Variants in OSBPL10 observed in about 807,000 individuals in gnomAD.
The protein encoded by OSBPL10 is oxysterol-binding protein-related protein 10.
Under a neutral mutation model 81.7 loss-of-function variants are expected in OSBPL10, and 49 were observed. That is an observed-to-expected ratio of 0.60 (90% CI 0.48 to 0.76). The LOEUF is 0.76. Among genes scored for constraint, OSBPL10 ranks in the 30% least tolerant of loss-of-function variants. The pLI is 0.00. For missense variants in OSBPL10, 923 were observed against 987.8 expected, an observed-to-expected ratio of 0.93 and a Z score of 0.88; for synonymous variants, 419 against 383.6, an observed-to-expected ratio of 1.09 and a Z score of -1.08.
At chr3:31,967,430 T>G (rs915356494) in intron 1 of OSBPL10, among the ~76,000 whole-genome samples, 1 of 151,880 alleles carries the variant, frequency 6.6e-6, no homozygotes, top group African/African-American at 2.4e-5. Context: ...CAATGAGCTG[T>G]GATTGCACCA....
At chr3:31,686,626 A>C (rs554413363) in intron 7 of OSBPL10, among the ~76,000 whole-genome samples, 38 of 152,322 alleles carry the variant, frequency 2.5e-4, no homozygotes, top group Admixed American at 7.2e-4. Context: ...AACATTATTT[A>C]AAAACACAAC....
At chr3:31,824,130 A>T (rs1700045601) in intron 4 of OSBPL10, among the ~76,000 whole-genome samples, 1 of 152,098 alleles carries the variant, frequency 6.6e-6, no homozygotes, top group Non-Finnish European at 1.5e-5. Context: ...AAAGTGATGG[A>T]ATTATAGGCA....
chr3:31,986,680 A>T (rs917598788), intron 2 of OSBPL10, among the ~76,000 whole-genome samples: 1 of 152,170 alleles, frequency 6.6e-6, no homozygotes, highest in African/African-American at 2.4e-5. Context: ...TATTAAATAG[A>T]TGCTCACTTT....
chr3:32,061,455 G>A (rs1320153065), intron 1 of OSBPL10, among the ~76,000 whole-genome samples: 1 of 93,206 alleles, frequency 1.1e-5, no homozygotes, highest in African/African-American at 2.8e-5. Context: ...TTAAGGTGAA[G>A]CCCTTGAGGA....
rs1386330855 is a variant in OSBPL10, at chr3:31,989,881, A to C, written n.298+56610T>G. ...ATGTGATGTATGTGGCAAGGTCTTT[A>C]ATCAGAAGCGATACCTTGCATGCCA... On this transcript the variant is annotated intron_variant and non_coding_transcript_variant, in intron 2 of 3. Coordinates refer to the OSBPL10 transcript ENST00000479173. 5 of 1,614,082 alleles carry C rather than the reference A, an allele frequency of 3.1e-6. No individual in the cohort carries two copies. The highest frequency in any genetic ancestry group is 1.3e-5 in the African/African-American group (1 of 74,930).
At chr3:32,045,982 CAACA>C (rs1180173868) in intron 2 of OSBPL10, 3 of 152,252 alleles carry the variant, frequency 2.0e-5, no homozygotes, top group Non-Finnish European at 4.4e-5. Context: ...AGTCAACAAA[CAACA>C]AACAAACACC....
At chr3:32,058,666 ATTG>A (rs148130633) in intron 1 of OSBPL10, among the ~76,000 whole-genome samples, 4 of 151,912 alleles carry the variant, frequency 2.6e-5, no homozygotes, top group Non-Finnish European at 5.9e-5. Context: ...ATGCTTATGA[ATTG>A]TTGTTGTTGT....
At chr3:31,664,310 C>G in intron 10 of OSBPL10, 78 bp from the exon 11 acceptor site, 1 of 1,514,992 alleles carries the variant, frequency 6.6e-7, no homozygotes, top group Non-Finnish European at 9.0e-7. Flanking sequence ...CAGGAGCAGC[C>G]AGAGCAGCGA....
intron 3 of OSBPL10, among the ~76,000 whole-genome samples, chr3:31,850,851 A>G (rs541591087): frequency 8.1e-4 from 124 of 152,356 alleles, no homozygotes; most frequent in Non-Finnish European, 1.5e-3. Flanking sequence ...AAACAAGTAC[A>G]AAAAAGAAGG....
intron 11 of OSBPL10, chr3:31,662,542 TCA>T: frequency 1.0e-6 from 1 of 986,112 alleles, no homozygotes; most frequent in Non-Finnish European, 1.2e-6. Flanking sequence ...CAGGCAGTAG[TCA>T]CAAACAAATC....
chr3:31,985,301 C>T (rs1559542801), upstream of OSBPL10, among the ~76,000 whole-genome samples: 1 of 152,134 alleles, frequency 6.6e-6, no homozygotes, highest in African/African-American at 2.4e-5. Context: ...AGGACCATTT[C>T]CTTAATTTAC....
intron 1 of OSBPL10, among the ~76,000 whole-genome samples, chr3:31,898,951 C>CT (rs201574850): frequency 0.1 from 9,004 of 87,204 alleles, 1,753 homozygotes; most frequent in Non-Finnish European, 0.15. Flanking sequence ...AACTTTAAAC[C>CT]TTTTTTTTTT....
chr3:31,955,430 C>T (rs1205049887), intron 1 of OSBPL10, among the ~76,000 whole-genome samples: 1 of 152,212 alleles, frequency 6.6e-6, no homozygotes, highest in Non-Finnish European at 1.5e-5. Flanking sequence ...AACACTGCTT[C>T]CCTCTTGCAA....
At chr3:31,736,347 G>T (rs560933948) in intron 5 of OSBPL10, among the ~76,000 whole-genome samples, 63 of 152,246 alleles carry the variant, frequency 4.1e-4, no homozygotes, top group African/African-American at 1.4e-3. Context: ...CCATATAGCA[G>T]CACTTCATGT....
chr3:31,812,180 T>C (rs1699698839), intron 4 of OSBPL10, among the ~76,000 whole-genome samples: 1 of 151,978 alleles, frequency 6.6e-6, no homozygotes. Context: ...TACAGGCGCC[T>C]GCCACCATGC....
intron 4 of OSBPL10, among the ~76,000 whole-genome samples, chr3:31,824,152 G>A (rs1378270030): frequency 6.6e-6 from 1 of 152,084 alleles, no homozygotes; most frequent in Non-Finnish European, 1.5e-5. Flanking sequence ...GAGCCACCAC[G>A]CCCTGCCCCT....
chr3:31,819,385 T>C (rs1054845925), intron 4 of OSBPL10, among the ~76,000 whole-genome samples: 4 of 152,196 alleles, frequency 2.6e-5, no homozygotes, highest in Non-Finnish European at 5.9e-5. Flanking sequence ...AGGTAAGAAG[T>C]TGTGATATTT....
In OSBPL10 at chr3:31,661,872, C is replaced by G; in HGVS notation, c.*200G>C. Reference sequence around the variant, plus strand: ...TATACGGTGTGTACACACACGTGCCCCGAATGGCTCTTGAATAAATTCATT... The same window carrying G: ...TATACGGTGTGTACACACACGTGCCGCGAATGGCTCTTGAATAAATTCATT... On this transcript the variant is annotated 3_prime_UTR_variant, in exon 12 of 12. Coordinates refer to ENST00000396556, the MANE Select transcript of OSBPL10 (RefSeq NM_017784.5). The G allele has an allele frequency of 1.4e-6, 1 of 696,344 alleles. No individual in the cohort carries two copies. Among genetic ancestry groups the G allele is most frequent in the South Asian group, 2.1e-5 (1 of 48,446 alleles). 43.1% of individuals were successfully genotyped at this position (696,344 alleles called of 1,614,324 possible).
intron 4 of OSBPL10, among the ~76,000 whole-genome samples, chr3:31,816,607 T>C (rs1417055318): frequency 6.6e-6 from 1 of 152,190 alleles, no homozygotes; most frequent in Non-Finnish European, 1.5e-5. Flanking sequence ...CTCATGCTGT[T>C]AGTGGCTCCC....
Sources: gnomAD v4.1 joint callset for allele counts (sites outside exome capture counted in the v4.1 genomes callset) on GRCh38, gnomAD v4.1.1 for gene constraint, MANE v1.5 for transcripts, NCBI Gene and HGNC (gene_info 2026-07-23, HGNC 2026-07-21) for gene names.